Variants in UBAC2 observed in about 807,000 individuals in gnomAD.
The protein encoded by UBAC2 is ubiquitin-associated domain-containing protein 2.
Under a neutral mutation model 44.0 loss-of-function variants are expected in UBAC2, and 26 were observed. The ratio of observed to expected loss-of-function variants is 0.59; its 90% CI spans 0.43 to 0.82. UBAC2 has a LOEUF of 0.82. UBAC2 is among the 40% of genes least tolerant of loss of function. The pLI, the probability that UBAC2 is intolerant of heterozygous loss-of-function variation, is 0.00. For missense variants in UBAC2, 329 were observed against 419.4 expected (o/e 0.78, Z 1.88); for synonymous variants, 155 against 154.3 (o/e 1.00, Z -0.04).
intron 1 of UBAC2, among the ~76,000 whole-genome samples, chr13:99,211,153 T>C (rs962441083): frequency 3.9e-5 from 6 of 152,220 alleles, no homozygotes; most frequent in Non-Finnish European, 8.8e-5. Flanking sequence ...TTGCTTTTCT[T>C]AAGTTATTAC....
chr13:99,295,498 A>G lies in UBAC2; in HGVS notation c.390-18599A>G, dbSNP rs1411765660. On this transcript the variant is annotated intron_variant, in intron 4 of 8. Transcript: ENST00000403766. The surrounding 1 kb of genome is among the most constrained non-coding windows in gnomAD (Gnocchi z 4.1). ...TGAAGAGTTTGCAGCAGATCTGAGA[A>G]TAGCAGATGAGAATGATTATAAGTG... 8.1e-6 allele frequency: 13 copies of G among 1,613,872 alleles called. No homozygotes were observed. Among genetic ancestry groups the G allele is most frequent in the Non-Finnish European group, 1.1e-5 (13 of 1,180,004 alleles).
chr13:99,353,273 T>A (rs1328944613), intron 7 of UBAC2, among the ~76,000 whole-genome samples: 1 of 152,272 alleles, frequency 6.6e-6, no homozygotes, highest in Non-Finnish European at 1.5e-5. Flanking sequence ...AAGTTACAGC[T>A]ACGCTGTTTA....
chr13:99,304,025 C>T (rs1267688511), intron 4 of UBAC2, among the ~76,000 whole-genome samples: 4 of 152,160 alleles, frequency 2.6e-5, no homozygotes, highest in African/African-American at 7.2e-5. Context: ...CCCGCAGCCA[C>T]GGCAGCAGCT....
At chr13:99,292,613 T>C (rs1015204132) in intron 4 of UBAC2, among the ~76,000 whole-genome samples, 1 of 152,138 alleles carries the variant, frequency 6.6e-6, no homozygotes, top group African/African-American at 2.4e-5. Flanking sequence ...TCTTCACATA[T>C]ACATGATGCC....
chr13:99,350,367 C>G (rs1286788089), intron 7 of UBAC2, among the ~76,000 whole-genome samples: 2 of 152,146 alleles, frequency 1.3e-5, no homozygotes, highest in Non-Finnish European at 2.9e-5. Context: ...ACCAGGGGAA[C>G]TAATAAGTGA....
chr13:99,266,670 A>G (rs1266525435), intron 4 of UBAC2, among the ~76,000 whole-genome samples: 1 of 152,186 alleles, frequency 6.6e-6, no homozygotes, highest in Non-Finnish European at 1.5e-5. Context: ...CCTTAGAACA[A>G]ATTTGACATG....
intron 4 of UBAC2, chr13:99,296,189 A>G: frequency 6.6e-7 from 1 of 1,521,194 alleles, no homozygotes; most frequent in Non-Finnish European, 8.8e-7. Context: ...GAAGGATCAT[A>G]TAAGTAAAAG....
At chr13:99,266,086 A>C (rs944148212) in intron 4 of UBAC2, among the ~76,000 whole-genome samples, 18 of 152,246 alleles carry the variant, frequency 1.2e-4, no homozygotes, top group Admixed American at 9.8e-4. Context: ...TGGGTCTTGG[A>C]GCTCTTCACC....
chr13:99,360,778 T>G (rs1267584913), intron 7 of UBAC2, among the ~76,000 whole-genome samples: 2 of 152,192 alleles, frequency 1.3e-5, no homozygotes, highest in Admixed American at 6.5e-5. Flanking sequence ...GCTTTTCTAG[T>G]CCTTTTGATT....
At chr13:99,203,147 C>T (rs974829245) in intron 1 of UBAC2, among the ~76,000 whole-genome samples, 4 of 152,056 alleles carry the variant, frequency 2.6e-5, no homozygotes, top group Non-Finnish European at 5.9e-5. Flanking sequence ...AGCGATTCTC[C>T]CGCCTCAGCC....
intron 7 of UBAC2, 115 bp from the exon 8 acceptor site, chr13:99,367,672 T>C: frequency 7.1e-7 from 1 of 1,407,340 alleles, no homozygotes; most frequent in Non-Finnish European, 9.9e-7. Flanking sequence ...AGCGGATCAA[T>C]ATGATACTTC....
At position 99,238,570 on chromosome 13, in the gene UBAC2, T is replaced by C; in HGVS notation, c.159+16T>C. 6.3e-7 allele frequency: 1 copy of C among 1,594,112 alleles called. No homozygotes were observed. Among genetic ancestry groups the C allele is most frequent in the Non-Finnish European group, 8.6e-7 (1 of 1,169,092 alleles). ...CGACTTCCAGGTAAGCTCTGCCTCA[T>C]TGGCCCCTGAGAGGAGAGCGGACAG... On this transcript the variant is annotated intron_variant, in intron 2 of 8. Coordinates refer to ENST00000403766, the MANE Select transcript of UBAC2 (RefSeq NM_001144072.2).
chr13:99,201,340 A>C, intron 1 of UBAC2: 1 of 1,538,102 alleles, frequency 6.5e-7, no homozygotes, highest in Non-Finnish European at 8.8e-7. Context: ...TGGGGGACCG[A>C]ACTAACTCCC....
intron 4 of UBAC2, among the ~76,000 whole-genome samples, chr13:99,305,653 C>T (rs2044322470): frequency 6.6e-6 from 1 of 152,142 alleles, no homozygotes; most frequent in African/African-American, 2.4e-5. Flanking sequence ...GGTCATGGTA[C>T]TAATTAGCTC....
At chr13:99,237,273 C>CACACACACAT (rs2043247665) in intron 1 of UBAC2, among the ~76,000 whole-genome samples, 1 of 113,630 alleles carries the variant, frequency 8.8e-6, no homozygotes, top group Non-Finnish European at 1.8e-5. Context: ...TATATATATA[C>CACACACACAT]ACACACACAC....
chr13:99,262,297 G>T (rs2138645545), intron 4 of UBAC2, among the ~76,000 whole-genome samples: 2 of 152,274 alleles, frequency 1.3e-5, no homozygotes, highest in South Asian at 4.1e-4. Flanking sequence ...TATAGGGTTT[G>T]GTACTATCTG....
chr13:99,220,726 T>G (rs2142684572), intron 1 of UBAC2, among the ~76,000 whole-genome samples: 1 of 152,302 alleles, frequency 6.6e-6, no homozygotes, highest in East Asian at 1.9e-4. Context: ...TTGGGTTCTG[T>G]GCGTATGAAC....
intron 1 of UBAC2, among the ~76,000 whole-genome samples, chr13:99,217,370 A>G (rs1292416386): frequency 6.6e-6 from 1 of 152,110 alleles, no homozygotes; most frequent in Non-Finnish European, 1.5e-5. Flanking sequence ...TAAAAACCAG[A>G]CTTGGGTTTC....
intron 7 of UBAC2, among the ~76,000 whole-genome samples, chr13:99,362,146 A>G (rs1352282107): frequency 2.6e-5 from 4 of 152,178 alleles, no homozygotes; most frequent in Admixed American, 1.3e-4. Context: ...TTGTATATGC[A>G]TATTCTTGTA....
Sources: gnomAD v4.1 joint callset for allele counts (sites outside exome capture counted in the v4.1 genomes callset) on GRCh38, gnomAD v4.1.1 for gene constraint, Gnocchi (gnomAD v3.1) non-coding constraint, MANE v1.5 for transcripts, NCBI Gene and HGNC (gene_info 2026-07-23, HGNC 2026-07-21) for gene names.